STK3: variants seen among roughly 807,000 people sequenced by gnomAD.
STK3 encodes serine/threonine kinase 3, also known as serine/threonine-protein kinase 3.
A neutral mutation model predicts 58.0 loss-of-function variants in STK3; 41 were observed. That is an observed-to-expected ratio of 0.71 (90% CI 0.55 to 0.92). The LOEUF (loss-of-function observed/expected upper bound fraction) is 0.92. STK3 is among the 40% of genes least tolerant of loss of function. The probability of loss-of-function intolerance (pLI) is 0.00; values close to 1 mark genes in which losing one functional copy is unlikely to be tolerated. For missense variants in STK3, 479 were observed against 602.7 expected (o/e 0.79, Z 2.15); for synonymous variants, 170 against 191.0 (o/e 0.89, Z 0.91).
upstream of STK3, among the ~76,000 whole-genome samples, chr8:98,829,203 A>G (rs1432156133): frequency 1.3e-5 from 2 of 152,156 alleles, no homozygotes; most frequent in Non-Finnish European, 2.9e-5. Flanking sequence ...GCTCTTTGCA[A>G]GGCAAACTAC....
At chr8:98,938,326 G>A (rs1840270285) in intron 1 of STK3, among the ~76,000 whole-genome samples, 1 of 152,214 alleles carries the variant, frequency 6.6e-6, no homozygotes, top group African/African-American at 2.4e-5. Flanking sequence ...AGAAGTTCAA[G>A]TGAAGGTCCT....
intron 7 of STK3, among the ~76,000 whole-genome samples, chr8:98,584,874 T>G (rs1161121052): frequency 6.6e-6 from 1 of 151,594 alleles, no homozygotes; most frequent in Non-Finnish European, 1.5e-5. Flanking sequence ...TTTTCATGTG[T>G]TTTTTAGCTG....
rs1157806969 is a variant in STK3, at chr8:98,624,397, C to T, written c.685-28228G>A. 2.6e-5 allele frequency among the ~76,000 whole-genome samples: 4 copies of T among 152,100 alleles called. No homozygotes were observed. The East Asian group carries it at 5.8e-4, about 22-fold the overall frequency. ...AGTGTGCCAATAATAATATCTACTC[C>T]TTTTAGAGTTGTTTTAGAGTTATGT... On this transcript the variant is annotated intron_variant, in intron 6 of 10. Coordinates refer to ENST00000419617, the MANE Select transcript of STK3 (RefSeq NM_006281.4).
At position 98,660,917 on chromosome 8, in the gene STK3, A is replaced by C. The variant is rs1004190272; in HGVS notation, c.684+45550T>G. The stretch of plus-strand genomic sequence containing the variant: ...ATTAAGACATTCCCAGATAAACAAA[A>C]ACTGAGAGAATTCACTGCTAGCAGA... On this transcript the variant is annotated intron_variant, in intron 6 of 10. Coordinates refer to ENST00000419617, the MANE Select transcript of STK3 (RefSeq NM_006281.4). 2.6e-5 allele frequency among the ~76,000 whole-genome samples: 4 copies of C among 152,134 alleles called. No individual in the cohort carries two copies. In the East Asian group the frequency reaches 7.7e-4, roughly 29 times the overall value.
chr8:98,614,407 C>T (rs1466917010), intron 6 of STK3, among the ~76,000 whole-genome samples: 2 of 152,254 alleles, frequency 1.3e-5, no homozygotes, highest in South Asian at 2.1e-4. Context: ...AAAGAACACG[C>T]TTTCAAATAA....
At chr8:98,845,335 A>T (rs1836162298) in intron 3 of STK3, among the ~76,000 whole-genome samples, 1 of 152,180 alleles carries the variant, frequency 6.6e-6, no homozygotes, top group African/African-American at 2.4e-5. Flanking sequence ...TCATTCTTAA[A>T]TTCTTAAGTT....
At chr8:98,690,588 G>A (rs1824329993) in intron 6 of STK3, among the ~76,000 whole-genome samples, 1 of 152,064 alleles carries the variant, frequency 6.6e-6, no homozygotes, top group Admixed American at 6.6e-5. Context: ...TCCCAGGTTG[G>A]AAGAATCAAT....
rs1235335027 is a variant in STK3 at position 98,596,051 on chromosome 8, G to A, written c.803C>T (p.Thr268Ile). Residue 268 changes from threonine (T) to isoleucine (I), a missense_variant, in exon 7 of 11, where the codon ACT (threonine) becomes ATT (isoleucine). Around this residue, in one of 3 missense-constraint regions of STK3, gnomAD observed 309 missense variants for 355.7 expected, o/e 0.87. Coordinates refer to ENST00000419617, the MANE Select transcript of STK3 (RefSeq NM_006281.4). Reference sequence around the variant, plus strand: ...ACTGACCTGTAAAAGTTGTGTTGCAGTAGCTCTCTGCTCAGGATTCTTCAC... The same window carrying A: ...ACTGACCTGTAAAAGTTGTGTTGCAATAGCTCTCTGCTCAGGATTCTTCAC... ...CLVKNPEQRA[T>I]ATQLLQHPFI... is the part of the protein sequence containing the mutation. 1 of 1,613,314 alleles carries A rather than the reference G, an allele frequency of 6.2e-7. No individual in the cohort carries two copies. Among genetic ancestry groups the A allele is most frequent in the Admixed American group, 1.7e-5 (1 of 59,928 alleles).
chr8:98,542,414 A>G (rs1459584180), intron 9 of STK3, among the ~76,000 whole-genome samples: 1 of 152,136 alleles, frequency 6.6e-6, no homozygotes, highest in Non-Finnish European at 1.5e-5. Context: ...TCATCTTGCC[A>G]TTCAAACCCC....
At chr8:98,583,964 T>C (rs1354004934) in intron 7 of STK3, among the ~76,000 whole-genome samples, 2 of 152,138 alleles carry the variant, frequency 1.3e-5, no homozygotes, top group African/African-American at 4.8e-5. Flanking sequence ...TATTTTAGTT[T>C]TTAATTCAAC....
chr8:98,489,561 A>T (rs1480056967), intron 10 of STK3, among the ~76,000 whole-genome samples: 1 of 152,166 alleles, frequency 6.6e-6, no homozygotes, highest in Non-Finnish European at 1.5e-5. Flanking sequence ...GATTATGTAC[A>T]TATCCACCTA....
intron 3 of STK3, among the ~76,000 whole-genome samples, chr8:98,394,075 A>C (rs1817873731): frequency 6.6e-6 from 1 of 152,158 alleles, no homozygotes; most frequent in African/African-American, 2.4e-5. Context: ...TGGAGTGAGC[A>C]GCAGGATAAG....
chr8:98,544,649 A>C (rs926636572), intron 9 of STK3, among the ~76,000 whole-genome samples: 4 of 137,600 alleles, frequency 2.9e-5, no homozygotes, highest in Admixed American at 1.5e-4. Flanking sequence ...ATTCTACTAT[A>C]ACACACACAC....
intron 7 of STK3, among the ~76,000 whole-genome samples, chr8:98,589,822 C>T (rs935553022): frequency 7.9e-5 from 12 of 152,208 alleles, no homozygotes; most frequent in South Asian, 4.1e-4. Flanking sequence ...TTAAGCCCGT[C>T]GGAAAAGTGC....
At chr8:98,932,315 C>T (rs764451146) in intron 1 of STK3, among the ~76,000 whole-genome samples, 1 of 152,162 alleles carries the variant, frequency 6.6e-6, no homozygotes, top group Non-Finnish European at 1.5e-5. Flanking sequence ...TATTCCTAAG[C>T]AACATTTTGG....
intron 10 of STK3, among the ~76,000 whole-genome samples, chr8:98,460,408 G>A (rs1009758986): frequency 6.6e-6 from 1 of 152,156 alleles, no homozygotes; most frequent in Admixed American, 6.5e-5. Flanking sequence ...TAGGTGGAAG[G>A]GACTTGCCTT....
At chr8:98,694,795 G>A (rs942964556) in intron 6 of STK3, among the ~76,000 whole-genome samples, 1 of 152,102 alleles carries the variant, frequency 6.6e-6, no homozygotes, top group Non-Finnish European at 1.5e-5. Context: ...ATTGTGAATA[G>A]TGCCACAATA....
intron 7 of STK3, among the ~76,000 whole-genome samples, chr8:98,580,957 C>A (rs990451249): frequency 6.6e-6 from 1 of 152,046 alleles, no homozygotes; most frequent in Non-Finnish European, 1.5e-5. Flanking sequence ...TGTAAAGAAC[C>A]AATAAATTAT....
chr8:98,499,645 T>C lies in STK3; in HGVS notation c.1317+27097A>G, dbSNP rs188293614. On this transcript the variant is annotated intron_variant, in intron 10 of 10. Coordinates refer to ENST00000419617, the MANE Select transcript of STK3 (RefSeq NM_006281.4). ...ACATATATCATCATAAGCAGAATGTTGGTAGAAATATAAACACAGTAAAGA... is the reference window on the plus strand; with the variant it reads ...ACATATATCATCATAAGCAGAATGTCGGTAGAAATATAAACACAGTAAAGA... Among the ~76,000 whole-genome samples the C allele has an allele frequency of 5.9e-5, 9 of 152,256 alleles. No individual in the cohort carries two copies. The East Asian group carries it at 1.7e-3, about 29-fold the overall frequency.
Sources: gnomAD v4.1 joint callset for allele counts (sites outside exome capture counted in the v4.1 genomes callset) on GRCh38, gnomAD v4.1.1 for gene constraint, gnomAD v4.1.1 regional missense constraint, MANE v1.5 for transcripts, NCBI Gene and HGNC (gene_info 2026-07-23, HGNC 2026-07-21) for gene names.